Variants in GRIK2 observed in about 807,000 individuals in gnomAD.
The protein encoded by GRIK2 is glutamate receptor ionotropic, kainate 2.
In GRIK2, 32 loss-of-function variants were observed where a neutral mutation model predicts 100.3. The ratio of observed to expected loss-of-function variants is 0.32; its 90% CI spans 0.24 to 0.43. GRIK2 has a LOEUF of 0.43. GRIK2 is among the 20% of genes least tolerant of loss of function. The probability of loss-of-function intolerance (pLI) is 1.00; values close to 1 mark genes in which losing one functional copy is unlikely to be tolerated. For missense variants in GRIK2, 843 were observed against 1,114.9 expected (o/e 0.76, Z 3.47); for synonymous variants, 417 against 389.4 (o/e 1.07, Z -0.83).
intron 7 of GRIK2, among the ~76,000 whole-genome samples, chr6:101,779,467 G>A (rs1778946849): frequency 6.6e-6 from 1 of 152,174 alleles, no homozygotes; most frequent in African/African-American, 2.4e-5. Context: ...AAATGTGTAG[G>A]ACAATATTGC....
At chr6:101,779,401 C>T (rs1166239159) in intron 7 of GRIK2, among the ~76,000 whole-genome samples, 1 of 152,088 alleles carries the variant, frequency 6.6e-6, no homozygotes, top group Non-Finnish European at 1.5e-5. Context: ...TATTTGCAGA[C>T]ATTTCTTATG....
chr6:101,591,853 A>G (rs994973175), intron 2 of GRIK2, among the ~76,000 whole-genome samples: 39 of 152,170 alleles, frequency 2.6e-4, no homozygotes, highest in African/African-American at 9.4e-4. Context: ...GATTATATTC[A>G]TTGGTGATAT....
At chr6:101,627,976 A>G (rs949776888) in intron 4 of GRIK2, among the ~76,000 whole-genome samples, 3 of 152,156 alleles carry the variant, frequency 2.0e-5, no homozygotes, top group Non-Finnish European at 4.4e-5. Context: ...CTTACTATAG[A>G]GTGATAATTA....
At chr6:101,919,341 A>T (rs925384464) in intron 12 of GRIK2, among the ~76,000 whole-genome samples, 2 of 151,854 alleles carry the variant, frequency 1.3e-5, no homozygotes, top group African/African-American at 4.8e-5. Flanking sequence ...ATACATTTTT[A>T]AAAAGTTGAC....
At chr6:101,839,031 A>G (rs541219707) in intron 10 of GRIK2, among the ~76,000 whole-genome samples, 4 of 151,928 alleles carry the variant, frequency 2.6e-5, no homozygotes, top group African/African-American at 9.7e-5. Context: ...TGCCAGGTTC[A>G]TGCTCCTGCA....
intron 4 of GRIK2, among the ~76,000 whole-genome samples, chr6:101,647,309 G>A (rs1415264037): frequency 1.3e-5 from 2 of 151,948 alleles, no homozygotes; most frequent in Non-Finnish European, 2.9e-5. Context: ...AGGGTCCACA[G>A]CTATCTACAC....
intron 13 of GRIK2, 27 bp from the exon 14 acceptor site, chr6:101,928,388 T>C (rs1312074563): frequency 2.6e-6 from 3 of 1,168,256 alleles, no homozygotes; most frequent in Admixed American, 3.4e-5. Flanking sequence ...TCTATATTCG[T>C]TTCACCTTTC....
intron 2 of GRIK2, among the ~76,000 whole-genome samples, chr6:101,609,239 C>A (rs1415151885): frequency 6.6e-6 from 1 of 151,830 alleles, no homozygotes; most frequent in African/African-American, 2.4e-5. Context: ...TATACATTTA[C>A]ATTTTCCCTG....
intron 7 of GRIK2, among the ~76,000 whole-genome samples, chr6:101,687,073 T>A (rs889547663): frequency 6.6e-6 from 1 of 152,078 alleles, no homozygotes; most frequent in African/African-American, 2.4e-5. Context: ...ATATTATTTT[T>A]AAATAAGTAA....
chr6:101,745,735 C>G lies in GRIK2; in HGVS notation c.952-53913C>G, dbSNP rs184171646. Among the ~76,000 whole-genome samples the G allele has an allele frequency of 2.3e-3, 350 of 152,210 alleles. 3 individuals carry two copies. Among genetic ancestry groups the G allele is most frequent in the African/African-American group, 7.5e-3 (313 of 41,548 alleles). ...GCTCTTCAGGGTGCTCTCCCTGCAG[C>G]TATATTTTTAGATGTTTCCCAGTTT... On this transcript the variant is annotated intron_variant, in intron 7 of 16. Transcript: ENST00000369134.
intron 14 of GRIK2, among the ~76,000 whole-genome samples, chr6:102,016,265 G>T (rs13195038): frequency 0.27 from 41,198 of 151,828 alleles, 5,966 homozygotes; most frequent in East Asian, 0.34. Flanking sequence ...TTATAGATGC[G>T]GACAGATAAA....
intron 10 of GRIK2, among the ~76,000 whole-genome samples, chr6:101,830,133 A>G (rs1004098247): frequency 2.6e-5 from 4 of 152,044 alleles, no homozygotes; most frequent in Non-Finnish European, 5.9e-5. Context: ...CACTCCTACA[A>G]CCAACTGATC....
At chr6:101,409,296 A>G (rs1244500994) in intron 2 of GRIK2, among the ~76,000 whole-genome samples, 2 of 152,052 alleles carry the variant, frequency 1.3e-5, no homozygotes, top group African/African-American at 2.4e-5. Flanking sequence ...CCTAGGAGCA[A>G]TTGGCTGTAA....
At chr6:101,578,145 A>G (rs958114870) in intron 2 of GRIK2, among the ~76,000 whole-genome samples, 1 of 152,198 alleles carries the variant, frequency 6.6e-6, no homozygotes, top group African/African-American at 2.4e-5. Context: ...AGTGCATTTC[A>G]TTACAGCCAG....
intron 9 of GRIK2, among the ~76,000 whole-genome samples, chr6:101,817,764 G>A (rs1005189790): frequency 6.6e-6 from 1 of 152,192 alleles, no homozygotes; most frequent in East Asian, 1.9e-4. Flanking sequence ...ACAGAAGAAA[G>A]TATTGGAATG....
At chr6:101,755,451 G>T (rs1174482029) in intron 7 of GRIK2, among the ~76,000 whole-genome samples, 1 of 152,110 alleles carries the variant, frequency 6.6e-6, no homozygotes, top group Non-Finnish European at 1.5e-5. Flanking sequence ...ATAGGCATGA[G>T]CCACCGTGCC....
chr6:101,797,786 A>G (rs1329249042), intron 7 of GRIK2, among the ~76,000 whole-genome samples: 1 of 147,216 alleles, frequency 6.8e-6, no homozygotes, highest in Admixed American at 6.8e-5. Flanking sequence ...TATATTACAT[A>G]CTATATATAA....
intron 11 of GRIK2, among the ~76,000 whole-genome samples, chr6:101,872,915 A>G (rs142208581): frequency 6.4e-4 from 97 of 152,004 alleles, no homozygotes; most frequent in African/African-American, 2.2e-3. Context: ...ACTGAGAAAA[A>G]CATTGAACAT....
At chr6:101,793,812 G>A (rs1236581696) in intron 7 of GRIK2, among the ~76,000 whole-genome samples, 1 of 152,178 alleles carries the variant, frequency 6.6e-6, no homozygotes, top group Non-Finnish European at 1.5e-5. Flanking sequence ...TGCCCCCAGA[G>A]GTGGAGCCTA....
Sources: gnomAD v4.1 joint callset for allele counts (sites outside exome capture counted in the v4.1 genomes callset) on GRCh38, gnomAD v4.1.1 for gene constraint, MANE v1.5 for transcripts, NCBI Gene and HGNC (gene_info 2026-07-23, HGNC 2026-07-21) for gene names.